The following GSE1 variants were observed in gnomAD, a reference collection of about 807,000 sequenced individuals.
GSE1 encodes genetic suppressor element 1.
Under a neutral mutation model 112.6 loss-of-function variants are expected in GSE1, and 32 were observed. That is an observed-to-expected ratio of 0.28 (90% CI 0.21 to 0.38). The LOEUF (loss-of-function observed/expected upper bound fraction) is 0.38. Among genes scored for constraint, GSE1 ranks in the 10% least tolerant of loss-of-function variants. The pLI, the probability that GSE1 is intolerant of heterozygous loss-of-function variation, is 1.00. For synonymous variants in GSE1, 1,115 were observed against 735.6 expected (o/e 1.52, Z -8.35); for missense variants, 2,348 against 1,699.2 (o/e 1.38, Z -6.71).
At position 85,189,731 on chromosome 16, in the gene GSE1, AAGTC is replaced by A. The variant is rs540053474; in HGVS notation, c.2283+17928_2283+17931del. Reference sequence around the variant, plus strand: ...TCTCCCATGAGGTTTATTTCTTCTTAAGTCAGTTTTGGTGATTTATTGTTTTCAA... The same window carrying A: ...TCTCCCATGAGGTTTATTTCTTCTTAAGTTTTGGTGATTTATTGTTTTCAA... On this transcript the variant is annotated intron_variant, in intron 1 of 2. Coordinates refer to the GSE1 transcript ENST00000637419. Among the ~76,000 whole-genome samples the A allele has an allele frequency of 2.4e-4, 37 of 152,278 alleles. No individual in the cohort carries two copies. In the East Asian group the frequency reaches 7.1e-3, roughly 29 times the overall value.
intron 2 of GSE1, among the ~76,000 whole-genome samples, chr16:85,547,878 C>CA (rs755865916): frequency 0.027 from 2,506 of 92,212 alleles, 53 homozygotes; most frequent in African/African-American, 0.064. Flanking sequence ...GTCTCTGTCT[C>CA]AAAAAAAAAA....
At position 85,548,232 on chromosome 16, in the gene GSE1, AAAAAAAAAAAAAAAG is replaced by A. The variant is rs2044771390; in HGVS notation, c.2465-85678_2465-85664del. Reference sequence around the variant, plus strand: ...GACAGAGTGAGACTCTTTCTCAAAAAAAAAAAAAAAAAAAGAAAGAAAGAAAGAAAGAAAGAAATA... The same window carrying A: ...GACAGAGTGAGACTCTTTCTCAAAAAAAAGAAAGAAAGAAAGAAAGAAATA... On this transcript the variant is annotated intron_variant, in intron 2 of 2. Coordinates refer to the GSE1 transcript ENST00000637419. Among the ~76,000 whole-genome samples, 5 of 146,214 alleles carry A rather than the reference AAAAAAAAAAAAAAAG, an allele frequency of 3.4e-5. No homozygotes were observed. In the South Asian group the frequency reaches 1.1e-3, roughly 32 times the overall value.
chr16:85,433,296 T>G (rs1211168533), intron 2 of GSE1, among the ~76,000 whole-genome samples: 1 of 151,642 alleles, frequency 6.6e-6, no homozygotes, highest in Non-Finnish European at 1.5e-5. Context: ...GCAAAGGAAC[T>G]GAGGCACAGA....
At chr16:85,655,260 C>T (rs2051820848) in intron 5 of GSE1, among the ~76,000 whole-genome samples, 1 of 152,212 alleles carries the variant, frequency 6.6e-6, no homozygotes, top group South Asian at 2.1e-4. Flanking sequence ...GACAGCAAGT[C>T]ACTGTTAAGA....
intron 2 of GSE1, among the ~76,000 whole-genome samples, chr16:85,413,496 G>A (rs924573283): frequency 2.6e-5 from 4 of 151,696 alleles, no homozygotes; most frequent in South Asian, 2.1e-4. Context: ...ACCTTCAGGC[G>A]GCAAGGGCTG....
intron 2 of GSE1, among the ~76,000 whole-genome samples, chr16:85,646,211 A>G (rs1330696225): frequency 6.9e-6 from 1 of 143,902 alleles, no homozygotes; most frequent in African/African-American, 2.9e-5. Flanking sequence ...CTATGCATGC[A>G]TTCTACCTGC....
At chr16:85,442,335 C>T (rs967711249) in intron 2 of GSE1, among the ~76,000 whole-genome samples, 2 of 152,224 alleles carry the variant, frequency 1.3e-5, no homozygotes, top group African/African-American at 4.8e-5. Flanking sequence ...GGCCCCATCT[C>T]AGCATCAGCC....
At chr16:85,353,491 G>A (rs1004086746) in intron 1 of GSE1, among the ~76,000 whole-genome samples, 3 of 152,176 alleles carry the variant, frequency 2.0e-5, no homozygotes, top group African/African-American at 4.8e-5. Flanking sequence ...TTCACATTTC[G>A]GGGATTAGTT....
chr16:85,359,429 T>G, intron 2 of GSE1: 1 of 455,816 alleles, frequency 2.2e-6, no homozygotes, highest in South Asian at 1.5e-5. Flanking sequence ...TTGGCTGTGG[T>G]TTGGGGAGCA....
At chr16:85,208,044 A>T (rs2075151512) in intron 1 of GSE1, 1 of 152,432 alleles carries the variant, frequency 6.6e-6, no homozygotes, top group Admixed American at 6.5e-5. Flanking sequence ...CCAGGTGCCC[A>T]GGACCATGGG....
chr16:85,194,372 C>T (rs1173445496), intron 1 of GSE1, among the ~76,000 whole-genome samples: 1 of 152,170 alleles, frequency 6.6e-6, no homozygotes, highest in Non-Finnish European at 1.5e-5. Context: ...AGGTCAGAGG[C>T]TGGTCTGGGA....
rs183179870 is a variant in GSE1 at position 85,455,814 on chromosome 16, C to T, written c.2464+98171C>T. On this transcript the variant is annotated intron_variant, in intron 2 of 2. Coordinates refer to the GSE1 transcript ENST00000637419. ...CAGCTGTCTGGGGGTGAAAGCGTCA[C>T]GCTCTCTCTCCACTCTCACGCCTGC... 2.9e-3 allele frequency among the ~76,000 whole-genome samples: 447 copies of T among 152,362 alleles called. 2 individuals are homozygous for T. The highest frequency in any genetic ancestry group is 9.3e-3 in the African/African-American group (386 of 41,586).
intron 7 of GSE1, 91 bp downstream of exon 7, chr16:85,656,756 G>A (rs775614423): frequency 9.8e-6 from 14 of 1,426,180 alleles, no homozygotes; most frequent in African/African-American, 7.2e-5. Flanking sequence ...TTGCCGTGGT[G>A]TAAATGTTCC....
chr16:85,382,141 A>G lies in GSE1; in HGVS notation c.2464+24498A>G, dbSNP rs58312231. On this transcript the variant is annotated intron_variant, in intron 2 of 2. Transcript: ENST00000637419. ...CTGGCCGGGCAGTCACCCCCACGCA[A>G]TGTGGTTATCTCCTGGCCACACATC... Among the ~76,000 whole-genome samples the G allele has an allele frequency of 5.3e-3, 805 of 152,224 alleles. 5 individuals carry two copies. Among genetic ancestry groups the G allele is most frequent in the African/African-American group, 0.019 (772 of 41,540 alleles).
chr16:85,272,773 T>G (rs1908974699), intron 1 of GSE1, among the ~76,000 whole-genome samples: 1 of 147,310 alleles, frequency 6.8e-6, no homozygotes, highest in African/African-American at 2.6e-5. Flanking sequence ...TTTTCTTCTC[T>G]TTTCTTTTTT....
At chr16:85,655,603 G>A in intron 5 of GSE1, 123 bp from the exon 6 acceptor site, 2 of 630,976 alleles carry the variant, frequency 3.2e-6, no homozygotes, top group South Asian at 3.9e-5. Context: ...TTCATCCCCA[G>A]CCATTTTGTC....
upstream of GSE1, among the ~76,000 whole-genome samples, chr16:85,612,306 C>T (rs1047731759): frequency 6.6e-6 from 1 of 151,962 alleles, no homozygotes; most frequent in African/African-American, 2.4e-5. Context: ...GCCTTCAGTC[C>T]CTCTCCGCGC....
intron 1 of GSE1, among the ~76,000 whole-genome samples, chr16:85,234,868 C>G (rs535664215): frequency 1.3e-5 from 2 of 152,304 alleles, no homozygotes; most frequent in East Asian, 3.9e-4. Flanking sequence ...TAGAAGGCAT[C>G]TGGCTCAGTT....
chr16:85,171,566 C>G, exon 1 of GSE1: 1 of 985,560 alleles, frequency 1.0e-6, no homozygotes, highest in Non-Finnish European at 1.2e-6. Flanking sequence ...CAGGTGGAGA[C>G]GTTCGTGTGC....
Sources: gnomAD v4.1 joint callset for allele counts (sites outside exome capture counted in the v4.1 genomes callset) on GRCh38, gnomAD v4.1.1 for gene constraint, MANE v1.5 for transcripts, NCBI Gene and HGNC (gene_info 2026-07-23, HGNC 2026-07-21) for gene names.